The following PTPRC variants were observed in gnomAD, a reference collection of about 807,000 sequenced individuals.
The protein encoded by PTPRC is receptor-type tyrosine-protein phosphatase C.
In PTPRC, 44 loss-of-function variants were observed where a neutral mutation model predicts 155.9. The ratio of observed to expected loss-of-function variants is 0.28; its 90% CI spans 0.22 to 0.36. The LOEUF is 0.36. PTPRC is among the 10% of genes least tolerant of loss of function. The pLI is 1.00. For synonymous variants in PTPRC, 525 were observed against 533.1 expected (o/e 0.98, Z 0.21); for missense variants, 1,401 against 1,564.6 (o/e 0.90, Z 1.76).
chr1:198,715,289 A>T (rs954245333), intron 12 of PTPRC, among the ~76,000 whole-genome samples: 7 of 151,244 alleles, frequency 4.6e-5, no homozygotes, highest in African/African-American at 7.3e-5. Flanking sequence ...CGCCCGGCTA[A>T]TTTTTTTGTA....
chr1:198,692,400 TA>T (rs1558000918), intron 3 of PTPRC, 27 bp downstream of exon 3: 1 of 1,369,946 alleles, frequency 7.3e-7, no homozygotes, highest in East Asian at 2.8e-5. Flanking sequence ...ATATTTTTAC[TA>T]ATTTTATTTT....
In PTPRC at chr1:198,742,213, T is replaced by A. The variant is rs1558034600; in HGVS notation, c.2562-19T>A. The A allele has an allele frequency of 3.7e-6, 6 of 1,612,186 alleles. No individual in the cohort carries two copies. The highest frequency in any genetic ancestry group is 2.2e-5 in the East Asian group (1 of 44,806). Reference sequence around the variant, plus strand: ...TTTTCCATGATCATGCCTCTGCTTTTTTTTGCTTGGTTTGCCAGTGCTGGT... The same window carrying A: ...TTTTCCATGATCATGCCTCTGCTTTATTTTGCTTGGTTTGCCAGTGCTGGT... On this transcript the variant is annotated intron_variant, in intron 24 of 32. Transcript: ENST00000442510.
chr1:198,708,296 T>C (rs1266691700), intron 10 of PTPRC, 35 bp downstream of exon 10: 1 of 1,569,532 alleles, frequency 6.4e-7, no homozygotes, highest in East Asian at 2.3e-5. Context: ...AATTTTTTTT[T>C]GTGGCACAAT....
At chr1:198,728,232 C>G (rs573071844) in intron 15 of PTPRC, 108 bp from the exon 16 acceptor site, 2 of 814,068 alleles carry the variant, frequency 2.5e-6, no homozygotes, top group East Asian at 5.8e-5. Flanking sequence ...TAAAACCTCA[C>G]AATAAATTTA....
At chr1:198,696,960 A>T in intron 4 of PTPRC, 51 bp downstream of exon 4, 2 of 1,475,042 alleles carry the variant, frequency 1.4e-6, no homozygotes, top group Non-Finnish European at 1.9e-6. Flanking sequence ...TCATTTAGAA[A>T]ATTCTACAGT....
At chr1:198,695,585 A>T (rs1351646631) in intron 3 of PTPRC, among the ~76,000 whole-genome samples, 1 of 152,020 alleles carries the variant, frequency 6.6e-6, no homozygotes, top group Non-Finnish European at 1.5e-5. Flanking sequence ...GACTTTAATC[A>T]ACAGTGCTGA....
At chr1:198,711,743 T>C (rs1393175129) in intron 11 of PTPRC, among the ~76,000 whole-genome samples, 1 of 152,162 alleles carries the variant, frequency 6.6e-6, no homozygotes, top group Non-Finnish European at 1.5e-5. Context: ...TTTTCCAGAA[T>C]ATACAGAGAG....
intron 32 of PTPRC, among the ~76,000 whole-genome samples, chr1:198,755,658 C>A (rs529721259): frequency 2.4e-4 from 36 of 152,140 alleles, no homozygotes; most frequent in African/African-American, 8.2e-4. Flanking sequence ...GGAAATGGCC[C>A]ATGAGCGGAG....
At chr1:198,689,608 C>G (rs1665817470) in intron 2 of PTPRC, among the ~76,000 whole-genome samples, 1 of 152,126 alleles carries the variant, frequency 6.6e-6, no homozygotes, top group Non-Finnish European at 1.5e-5. Context: ...GGAAAAAGTT[C>G]AAGCTCCTTT....
intron 2 of PTPRC, among the ~76,000 whole-genome samples, chr1:198,669,750 T>A (rs1431912457): frequency 6.6e-6 from 1 of 152,152 alleles, no homozygotes; most frequent in African/African-American, 2.4e-5. Context: ...AATCAGGAAA[T>A]TTTTTTAAAA....
chr1:198,731,420 G>A (rs1471316692), intron 17 of PTPRC, among the ~76,000 whole-genome samples, 197 bp from the exon 18 acceptor site: 2 of 152,006 alleles, frequency 1.3e-5, no homozygotes, highest in African/African-American at 4.8e-5. Flanking sequence ...ATAAAGCCCA[G>A]AAGAGATCTG....
At chr1:198,706,584 G>A (rs533264840) in intron 8 of PTPRC, 150 bp from the exon 9 acceptor site, 12 of 793,872 alleles carry the variant, frequency 1.5e-5, no homozygotes, top group East Asian at 5.4e-5. Flanking sequence ...AGATAATTAC[G>A]AAAAAAATGA....
Position 198,731,604 on chromosome 1 carries a change from AAT to A in PTPRC, c.1865-10_1865-9del, listed in dbSNP as rs751990984. The A allele has an allele frequency of 1.3e-6, 2 of 1,573,074 alleles. No homozygotes were observed. The highest frequency in any genetic ancestry group is 1.7e-5 in the Admixed American group (1 of 59,742). Reference sequence around the variant, plus strand: ...CACATGTAACTAGTATTGAATCTTTAATATGTTTCCAGATGATGAAAAACAAC... The same window carrying A: ...CACATGTAACTAGTATTGAATCTTTAATGTTTCCAGATGATGAAAAACAAC... On this transcript the variant is annotated splice_polypyrimidine_tract_variant and intron_variant, in intron 17 of 32. Coordinates refer to ENST00000442510, the MANE Select transcript of PTPRC (RefSeq NM_002838.5).
At chr1:198,754,448 T>A (rs1348848352) in intron 32 of PTPRC, 44 bp downstream of exon 32, 1 of 1,608,880 alleles carries the variant, frequency 6.2e-7, no homozygotes, top group East Asian at 2.2e-5. Flanking sequence ...CGGAATTTTT[T>A]TTTTCTTTTT....
At chr1:198,699,907 G>C (rs1277457801) in intron 5 of PTPRC, 2 of 677,344 alleles carry the variant, frequency 3.0e-6, no homozygotes, top group African/African-American at 3.6e-5. Context: ...TGAGAATTGT[G>C]AGACTACAGC....
chr1:198,729,008 C>T, intron 16 of PTPRC, 129 bp from the exon 17 acceptor site: 1 of 1,029,572 alleles, frequency 9.7e-7, no homozygotes, highest in South Asian at 1.8e-5. Context: ...CTCCTCTCCT[C>T]TCTTCCCCTT....
At chr1:198,696,689 T>G (rs1446599965) in intron 3 of PTPRC, 23 bp from the exon 4 acceptor site, 1 of 1,593,348 alleles carries the variant, frequency 6.3e-7, no homozygotes, top group East Asian at 2.2e-5. Flanking sequence ...TTTGTCCTTC[T>G]CCCATTTTCC....
intron 2 of PTPRC, among the ~76,000 whole-genome samples, chr1:198,664,633 T>A (rs1664174729): frequency 6.6e-6 from 1 of 152,232 alleles, no homozygotes; most frequent in Non-Finnish European, 1.5e-5. Flanking sequence ...TGGAAAACTC[T>A]AACCGAAATA....
intron 17 of PTPRC, among the ~76,000 whole-genome samples, chr1:198,729,641 G>A (rs1654298991): frequency 2.0e-5 from 3 of 152,162 alleles, no homozygotes; most frequent in Non-Finnish European, 4.4e-5. Context: ...CAGCACCTGT[G>A]AAGTTCCCAG....
Sources: gnomAD v4.1 joint callset for allele counts (sites outside exome capture counted in the v4.1 genomes callset) on GRCh38, gnomAD v4.1.1 for gene constraint, MANE v1.5 for transcripts, NCBI Gene and HGNC (gene_info 2026-07-23, HGNC 2026-07-21) for gene names.